PTDSS2: variants seen among roughly 807,000 people sequenced by gnomAD.
The protein encoded by PTDSS2 is phosphatidylserine synthase 2.
Under a neutral mutation model 64.7 loss-of-function variants are expected in PTDSS2, and 41 were observed. The observed-to-expected ratio is 0.63, with a 90% CI of 0.49 to 0.82. PTDSS2 has a LOEUF of 0.82. Ranked by LOEUF, PTDSS2 falls within the 40% of genes least tolerant of loss-of-function variation. The pLI is 0.00. For synonymous variants in PTDSS2, 297 were observed against 277.8 expected, an observed-to-expected ratio of 1.07 and a Z score of -0.69; for missense variants, 485 against 650.0, an observed-to-expected ratio of 0.75 and a Z score of 2.76.
In PTDSS2 at chr11:450,378, T is replaced by G; in HGVS notation, c.-78T>G. ...CCTTCCCAGCGCTCCTCGCGCTGTGTGCGGCGCGTCCTCTCGCCGGTGACC... is the reference window on the plus strand; with the variant it reads ...CCTTCCCAGCGCTCCTCGCGCTGTGGGCGGCGCGTCCTCTCGCCGGTGACC... On this transcript the variant is annotated 5_prime_UTR_variant, in exon 1 of 12. Coordinates refer to ENST00000308020, the MANE Select transcript of PTDSS2 (RefSeq NM_030783.3). 8.5e-7 allele frequency: 1 copy of G among 1,171,190 alleles called. No homozygotes were observed. Among genetic ancestry groups the G allele is most frequent in the Non-Finnish European group, 1.1e-6 (1 of 936,786 alleles). The allele number at this position is 1,171,190 out of a possible 1,614,324, so 72.5% of individuals were successfully genotyped here. A position where few individuals can be genotyped will look rare whatever the true frequency, so the allele number is the denominator to read the frequency against.
At position 476,882 on chromosome 11, in the gene PTDSS2, G is replaced by A. The variant is rs756780545; in HGVS notation, c.368-2203G>A. ...TTACTTTGCCAATCTTCGATTTATT[G>A]ACGGGGAAGCCTGTCCTGGAGCCAC... is the stretch of plus-strand genomic sequence containing the variant. On this transcript the variant is annotated intron_variant, in intron 3 of 11. Transcript: ENST00000308020. This position sits in a 1 kb window ranked among gnomAD's most constrained non-coding sequence, Gnocchi z 4.9. Among the ~76,000 whole-genome samples the A allele has an allele frequency of 2.6e-4, 39 of 152,184 alleles. No homozygotes were observed. Among genetic ancestry groups the A allele is most frequent in the Non-Finnish European group, 3.8e-4 (26 of 68,032 alleles).
intron 1 of PTDSS2, among the ~76,000 whole-genome samples, chr11:457,781 C>G (rs1245440930): frequency 6.6e-6 from 1 of 152,200 alleles, no homozygotes; most frequent in Admixed American, 6.5e-5. Context: ...GTGTTTTCAT[C>G]TGTCTCAGGC....
chr11:474,479 G>T (rs2133804321), intron 3 of PTDSS2, among the ~76,000 whole-genome samples: 1 of 151,682 alleles, frequency 6.6e-6, no homozygotes, highest in African/African-American at 2.4e-5. Context: ...GGGCGGGTGG[G>T]TGAGGGCTCC....
rs761439840 is a variant in PTDSS2 at position 490,410 on chromosome 11, C to T, written c.1302-10C>T. 23 of 1,613,144 alleles carry T rather than the reference C, an allele frequency of 1.4e-5. No individual in the cohort carries two copies. Among genetic ancestry groups the T allele is most frequent in the African/African-American group, 4.0e-5 (3 of 75,032 alleles). On this transcript the variant is annotated splice_polypyrimidine_tract_variant and intron_variant, in intron 11 of 11. Coordinates refer to ENST00000308020, the MANE Select transcript of PTDSS2 (RefSeq NM_030783.3). The stretch of plus-strand genomic sequence containing the variant: ...GGGGGCAGGTGGTGACGCTGCATCC[C>T]GCTCCCCAGGGACATCACATTGAGG...
At chr11:450,140 G>T, upstream of PTDSS2, 1 of 271,632 alleles carries the variant, frequency 3.7e-6, no homozygotes, top group Non-Finnish European at 6.9e-6. Flanking sequence ...TCCGCAGCTT[G>T]GTTCCTGCGA....
chr11:486,219 C>T (rs997838168), intron 4 of PTDSS2, among the ~76,000 whole-genome samples: 2 of 151,026 alleles, frequency 1.3e-5, no homozygotes, highest in South Asian at 2.1e-4. Flanking sequence ...CTGATGCCAG[C>T]GTCTGGGTGA....
chr11:473,780 C>T (rs970948060), intron 2 of PTDSS2, 115 bp from the exon 3 acceptor site: 21 of 830,630 alleles, frequency 2.5e-5, no homozygotes, highest in African/African-American at 1.2e-4. Flanking sequence ...CCCTTCCTCC[C>T]GCCCCAGCAT....
Position 460,559 on chromosome 11 carries a change from C to G in PTDSS2, c.284+271C>G. On this transcript the variant is annotated intron_variant, in intron 2 of 11. Coordinates refer to ENST00000308020, the MANE Select transcript of PTDSS2 (RefSeq NM_030783.3). This position sits in a 1 kb window ranked among gnomAD's most constrained non-coding sequence, Gnocchi z 5.8. ...TGACCGGCAGCCTGTGCTGCGTTTC[C>G]TCTGAGTTTTGCATGTTGAGGTTGG... The G allele has an allele frequency of 2.4e-6, 1 of 424,964 alleles. No individual in the cohort carries two copies. Among genetic ancestry groups the G allele is most frequent in the Non-Finnish European group, 4.4e-6 (1 of 229,308 alleles). The allele number at this position is 424,964 out of a possible 1,614,324, so 26.3% of individuals were successfully genotyped here.
rs1457476577 is a variant in PTDSS2, at chr11:453,939, CTG to C, written c.182+3306_182+3307del. Among the ~76,000 whole-genome samples, 4 of 152,360 alleles carry C rather than the reference CTG, an allele frequency of 2.6e-5. No homozygotes were observed. The East Asian group carries it at 7.7e-4, about 29-fold the overall frequency. On this transcript the variant is annotated intron_variant, in intron 1 of 11. Transcript: ENST00000308020. ...TGCCAGGATTGATCACAGCTCTGTT[CTG>C]TGTCTGATCACAGGACATACACCGT...
chr11:450,468 G>T lies in PTDSS2; in HGVS notation c.13G>T (p.Glu5Ter). The change falls in exon 1 of 12, where the codon GAG becomes TAG. Residue 5 changes from glutamate (E) to a stop codon, truncating the protein, a stop_gained. Transcript: ENST00000308020. LOFTEE classifies it high-confidence loss of function. The stretch of plus-strand genomic sequence containing the variant: ...GGGCCGAAACGCCATGCGGAGGGGC[G>T]AGCGCAGGGACGCCGGAGGTCCGCG... The part of the protein sequence containing the change: MRRG[E>*]RRDAGGPRPE... 1 of 1,230,554 alleles carries T rather than the reference G, an allele frequency of 8.1e-7. No individual in the cohort carries two copies. The highest frequency in any genetic ancestry group is 1.0e-6 in the Non-Finnish European group (1 of 983,302). The allele number at this position is 1,230,554 out of a possible 1,614,324, so 76.2% of individuals were successfully genotyped here.
intron 4 of PTDSS2, 33 bp from the exon 5 acceptor site, chr11:486,904 CTG>C: frequency 6.3e-7 from 1 of 1,580,888 alleles, no homozygotes. Flanking sequence ...CCACCACTAA[CTG>C]TAGCCCCGCT....
Position 490,610 on chromosome 11 carries a change from C to G in PTDSS2, c.*28C>G, listed in dbSNP as rs1848632595. 1.3e-6 allele frequency: 2 copies of G among 1,549,970 alleles called. No individual in the cohort carries two copies. The highest frequency in any genetic ancestry group is 2.7e-5 in the African/African-American group (2 of 73,748). On this transcript the variant is annotated 3_prime_UTR_variant, in exon 12 of 12. Coordinates refer to ENST00000308020, the MANE Select transcript of PTDSS2 (RefSeq NM_030783.3). ...TGGGCCGTGGCTGCCTCGTGAGCCT[C>G]CCAGAGCCCAGGCCTCCGTGGCCTC...
rs1004413061 is a variant in PTDSS2, at chr11:476,939, C to T, written c.368-2146C>T. Among the ~76,000 whole-genome samples the T allele has an allele frequency of 8.5e-5, 13 of 152,084 alleles. No homozygotes were observed. The highest frequency in any genetic ancestry group is 2.4e-4 in the African/African-American group (10 of 41,396). ...CCACGCGTCTTGTTAACTTGGGGGC[C>T]GGCAGGGAGCCCTCAACTCTCTGCA... On this transcript the variant is annotated intron_variant, in intron 3 of 11. Transcript: ENST00000308020. The surrounding 1 kb of genome is among the most constrained non-coding windows in gnomAD (Gnocchi z 4.9).
At chr11:468,811 G>A (rs1018632315) in intron 2 of PTDSS2, among the ~76,000 whole-genome samples, 11 of 149,014 alleles carry the variant, frequency 7.4e-5, no homozygotes, top group East Asian at 4.0e-4. Context: ...CTGGGTAATC[G>A]GAGGAGGGGA....
rs59613996 is a variant in PTDSS2 at position 479,729 on chromosome 11, G to GA, written c.435+578dup. On this transcript the variant is annotated intron_variant, in intron 4 of 11. Transcript: ENST00000308020. This position sits in a 1 kb window ranked among gnomAD's most constrained non-coding sequence, Gnocchi z 4.2. The stretch of plus-strand genomic sequence containing the variant: ...TCCCCATCCTGACCACATTCTGCAA[G>GA]ACGAGCAGGGTGCAGGTGGGAGACG... Among the ~76,000 whole-genome samples the GA allele has an allele frequency of 0.21, 31,565 of 152,214 alleles. 3,459 individuals are homozygous for GA. The highest frequency in any genetic ancestry group is 0.28 in the Middle Eastern group (83 of 294).
At chr11:472,693 C>T (rs1455029263) in intron 2 of PTDSS2, among the ~76,000 whole-genome samples, 7 of 152,190 alleles carry the variant, frequency 4.6e-5, no homozygotes, top group Non-Finnish European at 1.0e-4. Flanking sequence ...ACTTTGAGGC[C>T]AGGCACTCCT....
intron 4 of PTDSS2, among the ~76,000 whole-genome samples, chr11:481,470 C>T (rs1245691290): frequency 6.6e-5 from 10 of 152,170 alleles, no homozygotes; most frequent in African/African-American, 2.4e-4. Context: ...ATATTAACTC[C>T]GTCAGTCCTT....
rs748862326 is a variant in PTDSS2, at chr11:485,629, CAG to C, written c.436-1309_436-1308del. Among the ~76,000 whole-genome samples, 71 of 124,850 alleles carry C rather than the reference CAG, an allele frequency of 5.7e-4. No homozygotes were observed. In the East Asian group the frequency reaches 6.6e-3, roughly 12 times the overall value. 81.9% of individuals were successfully genotyped at this position (124,850 alleles called of 152,430 possible). On this transcript the variant is annotated intron_variant, in intron 4 of 11. Transcript: ENST00000308020. Reference sequence around the variant, plus strand: ...TGCTCACTGCGCAGGCGAGTGTAAACAGTGCACGGGCGCGTGTGTGCTCACTG... The same window carrying C: ...TGCTCACTGCGCAGGCGAGTGTAAACTGCACGGGCGCGTGTGTGCTCACTG...
Position 479,305 on chromosome 11 carries a change from C to A in PTDSS2, c.435+153C>A. On this transcript the variant is annotated intron_variant, in intron 4 of 11. Coordinates refer to ENST00000308020, the MANE Select transcript of PTDSS2 (RefSeq NM_030783.3). The surrounding 1 kb of genome is among the most constrained non-coding windows in gnomAD (Gnocchi z 4.2). ...AAGTAGGCCGAGCTGCGGGGGGTCT[C>A]CAGGAGCATCTGTGCGGCCCTTGAG... The A allele has an allele frequency of 1.3e-6, 1 of 740,772 alleles. No homozygotes were observed. The highest frequency in any genetic ancestry group is 1.9e-5 in the Admixed American group (1 of 52,820). 45.9% of individuals were successfully genotyped at this position (740,772 alleles called of 1,614,324 possible). A position where few individuals can be genotyped will look rare whatever the true frequency, so the allele number is the denominator to read the frequency against.
Sources: allele counts gnomAD v4.1 joint callset (sites outside exome capture counted in the v4.1 genomes callset), GRCh38; gene constraint gnomAD v4.1.1; non-coding constraint Gnocchi (gnomAD v3.1); transcripts MANE v1.5; gene names NCBI Gene and HGNC (gene_info 2026-07-23, HGNC 2026-07-21).